Variants in SLC2A10 observed in about 807,000 individuals in gnomAD.
The protein encoded by SLC2A10 is solute carrier family 2 member 10, also known as solute carrier family 2, facilitated glucose transporter member 10.
A neutral mutation model predicts 32.1 loss-of-function variants in SLC2A10; 25 were observed. The ratio of observed to expected loss-of-function variants is 0.78; its 90% CI spans 0.57 to 1.09. The LOEUF (loss-of-function observed/expected upper bound fraction) is 1.09, where lower values mean the gene tolerates loss of function less well. Ranked by LOEUF, SLC2A10 falls within the 50% of genes least tolerant of loss-of-function variation. The pLI, the probability that SLC2A10 is intolerant of heterozygous loss-of-function variation, is 0.00. For missense variants in SLC2A10, 673 were observed against 686.5 expected (o/e 0.98, Z 0.22); for synonymous variants, 332 against 309.6 (o/e 1.07, Z -0.76).
At chr20:46,733,256 T>A (rs1980390039) in intron 4 of SLC2A10, among the ~76,000 whole-genome samples, 1 of 152,116 alleles carries the variant, frequency 6.6e-6, no homozygotes, top group Non-Finnish European at 1.5e-5. Flanking sequence ...AGCCAGCACA[T>A]CTTCCATGGC....
chr20:46,733,099 C>T (rs1223195814), intron 4 of SLC2A10, among the ~76,000 whole-genome samples: 1 of 152,074 alleles, frequency 6.6e-6, no homozygotes, highest in East Asian at 1.9e-4. Flanking sequence ...TCTCACATTG[C>T]TATGAAGAAA....
At position 46,725,048 on chromosome 20, in the gene SLC2A10, C is replaced by T. The variant is rs1185805141; in HGVS notation, c.12C>T (p.Ser4=). The T allele has an allele frequency of 1.2e-6, 2 of 1,614,196 alleles. No homozygotes were observed. The highest frequency in any genetic ancestry group is 1.7e-6 in the Non-Finnish European group (2 of 1,180,032). ...CTCACTTTTGTTTTTTAGGCCACTC[C>T]CCACCTGTCCTGCCTTTGTGTGCCT... MGH[S]PPVLPLCASV... Residue 4 remains serine, a synonymous_variant, in exon 2 of 5, where the codon TCC becomes TCT. Transcript: ENST00000359271.
intron 3 of SLC2A10, among the ~76,000 whole-genome samples, chr20:46,728,783 A>G (rs1980120091): frequency 6.6e-6 from 1 of 151,094 alleles, no homozygotes; most frequent in Non-Finnish European, 1.5e-5. Flanking sequence ...ATGCCCAGCT[A>G]ATTTTTTTAT....
chr20:46,718,297 G>A (rs1473332452), intron 1 of SLC2A10, among the ~76,000 whole-genome samples: 2 of 151,914 alleles, frequency 1.3e-5, no homozygotes, highest in Non-Finnish European at 2.9e-5. Flanking sequence ...TATTCCCTGT[G>A]TTGTTTGGAT....
At position 46,735,692 on chromosome 20, in the gene SLC2A10, T is replaced by G. The variant is rs886056735; in HGVS notation, c.*1858T>G. ...TACACATCAGGGCTTGATTTATTGTTTGTTGATTTTCTAGACTTCAGAACA... is the reference window on the plus strand; with the variant it reads ...TACACATCAGGGCTTGATTTATTGTGTGTTGATTTTCTAGACTTCAGAACA... On this transcript the variant is annotated 3_prime_UTR_variant, in exon 5 of 5. Coordinates refer to ENST00000359271, the MANE Select transcript of SLC2A10 (RefSeq NM_030777.4). 1 of 152,194 alleles carries G rather than the reference T, an allele frequency of 6.6e-6. No individual in the cohort carries two copies. The highest frequency in any genetic ancestry group is 1.5e-5 in the Non-Finnish European group (1 of 68,028). 9.4% of individuals were successfully genotyped at this position (152,194 alleles called of 1,614,324 possible).
At chr20:46,716,139 C>T (rs1446619563) in intron 1 of SLC2A10, among the ~76,000 whole-genome samples, 1 of 151,424 alleles carries the variant, frequency 6.6e-6, no homozygotes, top group East Asian at 1.9e-4. Flanking sequence ...TACCTCATAA[C>T]GTTGGGGTGA....
At chr20:46,714,699 T>G (rs1979128994) in intron 1 of SLC2A10, 1 of 152,622 alleles carries the variant, frequency 6.6e-6, no homozygotes, top group Non-Finnish European at 1.5e-5. Flanking sequence ...GGAGGCGAAG[T>G]GGCTGAGGAG....
chr20:46,731,980 G>C (rs1251868153), intron 4 of SLC2A10, among the ~76,000 whole-genome samples: 5 of 152,202 alleles, frequency 3.3e-5, no homozygotes, highest in African/African-American at 1.2e-4. Flanking sequence ...AGAGATCCTT[G>C]ATTGACAGTC....
chr20:46,713,442 T>C (rs1979045335), intron 1 of SLC2A10, among the ~76,000 whole-genome samples: 1 of 151,654 alleles, frequency 6.6e-6, no homozygotes, highest in Non-Finnish European at 1.5e-5. Context: ...GGGACAGGAC[T>C]TCCCAGGCAG....
intron 4 of SLC2A10, among the ~76,000 whole-genome samples, chr20:46,730,163 G>A (rs920982181): frequency 6.6e-6 from 1 of 152,146 alleles, no homozygotes; most frequent in Non-Finnish European, 1.5e-5. Flanking sequence ...AACATTGCAC[G>A]CAAAACGCTT....
Position 46,725,931 on chromosome 20 carries a change from C to A in SLC2A10, c.895C>A (p.Leu299Met). The A allele has an allele frequency of 1.2e-6, 2 of 1,613,970 alleles. No homozygotes were observed. Among genetic ancestry groups the A allele is most frequent in the Non-Finnish European group, 1.7e-6 (2 of 1,180,034 alleles). ...GGTGGACCGTGCAGGCCGCAGGGCT[C>A]TGTTGCTAGCTGGCTGTGCCCTCAT... is the stretch of plus-strand genomic sequence containing the variant. The part of the protein sequence containing the change: ...GLVDRAGRRA[L>M]LLAGCALMAL... The change falls in exon 2 of 5, where the codon CTG becomes ATG. Residue 299 changes from leucine (L) to methionine (M), a missense_variant. Physicochemically the swap from Leu to Met is conservative, Grantham distance 15 (BLOSUM62 2). Coordinates refer to ENST00000359271, the MANE Select transcript of SLC2A10 (RefSeq NM_030777.4).
At chr20:46,711,239 C>G (rs1978894874) in intron 1 of SLC2A10, among the ~76,000 whole-genome samples, 1 of 152,150 alleles carries the variant, frequency 6.6e-6, no homozygotes, top group African/African-American at 2.4e-5. Flanking sequence ...TGTAGGTAAG[C>G]ATAGAAGGTA....
At chr20:46,723,408 A>G (rs1979670722) in intron 1 of SLC2A10, among the ~76,000 whole-genome samples, 2 of 152,176 alleles carry the variant, frequency 1.3e-5, no homozygotes, top group Admixed American at 1.3e-4. Flanking sequence ...GAAAGGTGGG[A>G]AATGTAGTCT....
chr20:46,731,776 C>T (rs981100501), intron 4 of SLC2A10, among the ~76,000 whole-genome samples: 10 of 152,146 alleles, frequency 6.6e-5, no homozygotes, highest in Admixed American at 3.9e-4. Flanking sequence ...GAGAGAAACT[C>T]GACTTTAGGA....
chr20:46,726,200 G>T lies in SLC2A10; in HGVS notation c.1164G>T (p.Arg388=). 1.2e-6 allele frequency: 2 copies of T among 1,614,148 alleles called. No individual in the cohort carries two copies. The highest frequency in any genetic ancestry group is 2.2e-5 in the East Asian group (1 of 44,886). The change falls in exon 2 of 5, where the codon CGG becomes CGT. Residue 388 remains arginine (R), a synonymous_variant. Transcript: ENST00000359271. The part of the protein sequence containing the change: ...PRSGDPSAPP[R]LALSSALPGP... ...CTGGAGACCCCTCAGCCCCTCCTCG[G>T]CTGGCCCTGAGCTCTGCCCTCCCTG...
At position 46,711,760 on chromosome 20, in the gene SLC2A10, A is replaced by T. The variant is rs60336498; in HGVS notation, c.4+2020A>T. ...CTCTGGGGGCAGAACTGGGTTCTAG[A>T]CCCAATTCCTCTCACTTTGTTCCAC... is the stretch of plus-strand genomic sequence containing the variant. On this transcript the variant is annotated intron_variant, in intron 1 of 4. Coordinates refer to ENST00000359271, the MANE Select transcript of SLC2A10 (RefSeq NM_030777.4). Among the ~76,000 whole-genome samples the T allele has an allele frequency of 3.3e-3, 506 of 152,102 alleles. 6 individuals are homozygous for T. The highest frequency in any genetic ancestry group is 0.012 in the African/African-American group (480 of 41,480).
upstream of SLC2A10, among the ~76,000 whole-genome samples, chr20:46,708,785 TC>T (rs1400394893): frequency 6.6e-6 from 1 of 152,098 alleles, no homozygotes; most frequent in African/African-American, 2.4e-5. Context: ...CCCATCTCCC[TC>T]CTCTCTCCCT....
rs115930733 is a variant in SLC2A10, at chr20:46,722,608, T to C, written c.5-2433T>C. ...CCAAATATCCATCATCATGGTGGTT[T>C]CACTTCAAGATGGCCTCACTCTGGC... On this transcript the variant is annotated intron_variant, in intron 1 of 4. Transcript: ENST00000359271. Among the ~76,000 whole-genome samples, 723 of 152,324 alleles carry C rather than the reference T, an allele frequency of 4.7e-3. 4 individuals are homozygous for C. Among genetic ancestry groups the C allele is most frequent in the African/African-American group, 0.016 (677 of 41,576 alleles).
intron 1 of SLC2A10, among the ~76,000 whole-genome samples, chr20:46,717,927 A>C (rs1301753826): frequency 1.3e-5 from 2 of 152,150 alleles, no homozygotes; most frequent in Admixed American, 1.3e-4. Context: ...ACAGCTGTTG[A>C]AAATACCTTG....
Sources: allele counts gnomAD v4.1 joint callset (sites outside exome capture counted in the v4.1 genomes callset), GRCh38; gene constraint gnomAD v4.1.1; transcripts MANE v1.5; gene names NCBI Gene and HGNC (gene_info 2026-07-23, HGNC 2026-07-21).